The following ANK3 variants were observed in gnomAD, a reference collection of about 807,000 sequenced individuals.
The protein encoded by ANK3 is ankyrin-3.
ANK3 carries 57 observed loss-of-function variants against 370.9 expected under a neutral mutation model. That is an observed-to-expected ratio of 0.15 (90% CI 0.12 to 0.19). The LOEUF is 0.19. Among genes scored for constraint, ANK3 ranks in the 10% least tolerant of loss-of-function variants. The pLI is 1.00. For synonymous variants in ANK3, 1,929 were observed against 1,946.3 expected, an observed-to-expected ratio of 0.99 and a Z score of 0.23; for missense variants, 4,439 against 5,302.1, an observed-to-expected ratio of 0.84 and a Z score of 5.06.
chr10:60,703,898 C>T (rs955778620), intron 1 of ANK3, among the ~76,000 whole-genome samples: 6 of 152,206 alleles, frequency 3.9e-5, no homozygotes, highest in South Asian at 2.1e-4. Context: ...TGTGCAGAAC[C>T]GTCTCCTTGA....
intron 2 of ANK3, among the ~76,000 whole-genome samples, chr10:60,604,221 C>G (rs1003705445): frequency 1.3e-5 from 2 of 152,132 alleles, no homozygotes; most frequent in African/African-American, 4.8e-5. Flanking sequence ...TGCAAAGCTA[C>G]ATGTATGTTT....
chr10:60,607,373 AC>A (rs1469311480), intron 2 of ANK3, among the ~76,000 whole-genome samples: 3 of 152,134 alleles, frequency 2.0e-5, no homozygotes, highest in Non-Finnish European at 4.4e-5. Flanking sequence ...TTTCAGGCTC[AC>A]CCACTTTACC....
At chr10:60,106,686 T>C (rs2092217712) in intron 27 of ANK3, among the ~76,000 whole-genome samples, 1 of 152,208 alleles carries the variant, frequency 6.6e-6, no homozygotes, top group South Asian at 2.1e-4. Flanking sequence ...TCTGTAAAAG[T>C]ACTTGTTGGT....
chr10:60,147,712 C>T (rs535603912), intron 23 of ANK3, among the ~76,000 whole-genome samples: 3 of 152,256 alleles, frequency 2.0e-5, no homozygotes, highest in East Asian at 3.9e-4. Flanking sequence ...CTTCCTCTCT[C>T]TTCCTCCTGC....
chr10:60,379,937 A>G (rs934912302), intron 1 of ANK3, among the ~76,000 whole-genome samples: 2 of 152,130 alleles, frequency 1.3e-5, no homozygotes, highest in African/African-American at 2.4e-5. Context: ...ATCACTTTAC[A>G]TTATATTGAA....
intron 28 of ANK3, among the ~76,000 whole-genome samples, chr10:60,096,241 TA>T (rs2090107857): frequency 6.6e-6 from 1 of 151,984 alleles, no homozygotes; most frequent in Admixed American, 6.6e-5. Context: ...TCCAGACAAA[TA>T]GTAATAAAGC....
intron 2 of ANK3, among the ~76,000 whole-genome samples, chr10:60,569,052 A>AGT: frequency 6.6e-6 from 1 of 151,932 alleles, no homozygotes; most frequent in East Asian, 1.9e-4. Context: ...AGTCTATTGT[A>AGT]TTTTTTTAAT....
At chr10:60,344,215 T>A (rs1192003342) in intron 1 of ANK3, among the ~76,000 whole-genome samples, 2 of 152,254 alleles carry the variant, frequency 1.3e-5, no homozygotes, top group African/African-American at 2.4e-5. Flanking sequence ...TCAGGCCATC[T>A]AATATCATGT....
intron 1 of ANK3, among the ~76,000 whole-genome samples, chr10:60,321,211 C>T (rs1017127358): frequency 3.3e-5 from 5 of 151,798 alleles, no homozygotes; most frequent in African/African-American, 1.2e-4. Flanking sequence ...CAGCATGAGA[C>T]CCTCTTCTCT....
upstream of ANK3, among the ~76,000 whole-genome samples, chr10:60,390,729 A>AAAAC (rs1491146788): frequency 1.9e-3 from 203 of 107,068 alleles, no homozygotes; most frequent in Middle Eastern, 4.3e-3. Flanking sequence ...TAAAAAAAAG[A>AAAAC]ACACACACAC....
At chr10:60,185,826 T>C (rs977260720) in intron 17 of ANK3, among the ~76,000 whole-genome samples, 2 of 152,202 alleles carry the variant, frequency 1.3e-5, no homozygotes, top group African/African-American at 4.8e-5. Context: ...AGGCAGTAAC[T>C]TCATTAACAA....
chr10:60,532,405 AG>A (rs1370136794), intron 2 of ANK3, among the ~76,000 whole-genome samples: 1 of 152,180 alleles, frequency 6.6e-6, no homozygotes, highest in African/African-American at 2.4e-5. Flanking sequence ...TTGAGTGGCA[AG>A]GGTCCAGGGC....
At chr10:60,043,070 G>A in intron 42 of ANK3, 1 of 1,118,094 alleles carries the variant, frequency 8.9e-7, no homozygotes. Flanking sequence ...CAGCACCACA[G>A]CTCACAAGGC....
At chr10:60,249,326 C>T (rs1465053398) in intron 7 of ANK3, among the ~76,000 whole-genome samples, 7 of 152,152 alleles carry the variant, frequency 4.6e-5, no homozygotes, top group Non-Finnish European at 2.9e-5. Context: ...TTTATAACTT[C>T]AATTAAAAAG....
chr10:60,303,247 AAAC>A (rs2044231047), intron 1 of ANK3, among the ~76,000 whole-genome samples: 1 of 152,244 alleles, frequency 6.6e-6, no homozygotes, highest in Non-Finnish European at 1.5e-5. Context: ...ATAGTAAAGA[AAAC>A]AATCAACGAA....
At position 60,076,341 on chromosome 10, in the gene ANK3, G is replaced by T. The variant is rs1040778793; in HGVS notation, c.4540C>A (p.Pro1514Thr). 1 of 1,613,936 alleles carries T rather than the reference G, an allele frequency of 6.2e-7. No homozygotes were observed. The highest frequency in any genetic ancestry group is 1.3e-5 in the African/African-American group (1 of 74,918). ...QSWTTAPITVPGPAKSGFTSL... is the reference protein window; with the variant it reads ...QSWTTAPITVTGPAKSGFTSL... ...GTGAAGCCTGACTTGGCTGGCCCAG[G>T]CACTGTAATCGGAGCTGTTGTCCAG... Residue 1514 changes from proline to threonine, a missense_variant, in exon 37 of 44, where the codon CCT becomes ACT. Around this residue, in one of 13 missense-constraint regions of ANK3, gnomAD observed 679 missense variants for 791.0 expected, o/e 0.86. Coordinates refer to ENST00000280772, the MANE Select transcript of ANK3 (RefSeq NM_020987.5).
At chr10:60,267,958 C>T (rs2097906373) in intron 5 of ANK3, among the ~76,000 whole-genome samples, 1 of 152,172 alleles carries the variant, frequency 6.6e-6, no homozygotes, top group Non-Finnish European at 1.5e-5. Flanking sequence ...AATAGCTACT[C>T]TTGAGTGTGA....
rs147005982 is a variant in ANK3 at position 60,523,903 on chromosome 10, T to A, written c.96+91283A>T. Among the ~76,000 whole-genome samples the A allele has an allele frequency of 2.0e-3, 308 of 152,210 alleles. 1 individual carries two copies. Among genetic ancestry groups the A allele is most frequent in the African/African-American group, 7.1e-3 (296 of 41,554 alleles). On this transcript the variant is annotated intron_variant, in intron 2 of 43. Coordinates refer to the ANK3 transcript ENST00000373827. ...AATGGGATGCTTACATTCTGAACAATGATACCGGGTAAAAACAACAAGCAT... is the reference window on the plus strand; with the variant it reads ...AATGGGATGCTTACATTCTGAACAAAGATACCGGGTAAAAACAACAAGCAT...
At chr10:60,122,451 T>G (rs1033340262) in intron 25 of ANK3, among the ~76,000 whole-genome samples, 4 of 152,256 alleles carry the variant, frequency 2.6e-5, no homozygotes, top group Non-Finnish European at 4.4e-5. Context: ...ACTAAGCCAG[T>G]CCTCGCCTGG....
Sources: allele counts gnomAD v4.1 joint callset (sites outside exome capture counted in the v4.1 genomes callset), GRCh38; gene constraint gnomAD v4.1.1; regional missense constraint gnomAD v4.1.1; transcripts MANE v1.5; gene names NCBI Gene and HGNC (gene_info 2026-07-23, HGNC 2026-07-21).